Variants in MEDAG observed in about 807,000 individuals in gnomAD.
MEDAG encodes mesenteric estrogen-dependent adipogenesis protein.
MEDAG carries 25 observed loss-of-function variants against 29.9 expected under a neutral mutation model. The observed-to-expected ratio is 0.84, with a 90% CI of 0.61 to 1.17. The LOEUF (loss-of-function observed/expected upper bound fraction) is 1.17. Ranked by LOEUF, MEDAG falls within the 50% of genes most tolerant of loss-of-function variation. The pLI, the probability that MEDAG is intolerant of heterozygous loss-of-function variation, is 0.00. For missense variants in MEDAG, 398 were observed against 372.9 expected (o/e 1.07, Z -0.56); for synonymous variants, 158 against 148.2 (o/e 1.07, Z -0.48).
rs149438218 is a variant in MEDAG, at chr13:30,917,955, G to T, written c.388+443G>T. On this transcript the variant is annotated intron_variant, in intron 2 of 4. Transcript: ENST00000380482. ...CTTGCTGGGACCAAACTGGGCTGAGGTGTGGACTGATGAGCAGGGCAGAAA... is the reference window on the plus strand; with the variant it reads ...CTTGCTGGGACCAAACTGGGCTGAGTTGTGGACTGATGAGCAGGGCAGAAA... 5.3e-3 allele frequency among the ~76,000 whole-genome samples: 813 copies of T among 152,300 alleles called. 11 individuals carry two copies. The highest frequency in any genetic ancestry group is 0.018 in the African/African-American group (762 of 41,544).
chr13:30,921,209 G>A, intron 3 of MEDAG, 83 bp downstream of exon 3: 1 of 1,204,108 alleles, frequency 8.3e-7, no homozygotes, highest in Non-Finnish European at 1.2e-6. Flanking sequence ...AGGCCCTATT[G>A]CCCTGGCTTA....
chr13:30,914,489 T>C (rs1421888030), intron 1 of MEDAG, among the ~76,000 whole-genome samples: 2 of 152,236 alleles, frequency 1.3e-5, no homozygotes, highest in Non-Finnish European at 2.9e-5. Context: ...CAAGTACCCC[T>C]GAATCATCAA....
intron 2 of MEDAG, among the ~76,000 whole-genome samples, chr13:30,920,591 A>T (rs1164765595): frequency 2.6e-5 from 3 of 115,568 alleles, no homozygotes; most frequent in African/African-American, 1.1e-4. Flanking sequence ...TTAAAAAAAT[A>T]AAAAAAAAAA....
chr13:30,906,648 C>A lies in MEDAG; in HGVS notation c.133C>A (p.Pro45Thr). ...LPLAQLLRLQ[P>T]GAFQLSGDQL... ...GCTGGCTCAGCTGCTGCGCCTGCAG[C>A]CCGGTGCCTTCCAGCTGAGCGGCGA... The change falls in exon 1 of 5, where the codon CCC becomes ACC. Residue 45 changes from proline (P) to threonine (T), a missense_variant. Pro to Thr is a conservative substitution (Grantham distance 38). Coordinates refer to ENST00000380482, the MANE Select transcript of MEDAG (RefSeq NM_032849.4). 1.9e-6 allele frequency: 3 copies of A among 1,573,764 alleles called. No homozygotes were observed. Among genetic ancestry groups the A allele is most frequent in the Non-Finnish European group, 2.6e-6 (3 of 1,168,096 alleles).
chr13:30,924,223 A>G, intron 4 of MEDAG, 88 bp from the exon 5 acceptor site: 1 of 1,320,218 alleles, frequency 7.6e-7, no homozygotes, highest in Non-Finnish European at 1.0e-6. Context: ...TTATTAAAAT[A>G]GTTAGGTTGC....
intron 1 of MEDAG, among the ~76,000 whole-genome samples, chr13:30,910,079 C>T (rs1952867114): frequency 6.6e-6 from 1 of 152,048 alleles, no homozygotes; most frequent in Non-Finnish European, 1.5e-5. Flanking sequence ...AGGATTTTCG[C>T]CCATGTTGTA....
chr13:30,907,322 C>T lies in MEDAG; in HGVS notation c.278+529C>T, dbSNP rs116246338. On this transcript the variant is annotated intron_variant, in intron 1 of 4. Coordinates refer to ENST00000380482, the MANE Select transcript of MEDAG (RefSeq NM_032849.4). ...AAGTTTCCCATCTCTGGCCTCACTT[C>T]GTGTTTCAAAAGTAAACAAATAAAC... Among the ~76,000 whole-genome samples the T allele has an allele frequency of 8.6e-3, 1,317 of 152,318 alleles. 31 individuals are homozygous for T. Among genetic ancestry groups the T allele is most frequent in the African/African-American group, 0.03 (1,261 of 41,574 alleles).
chr13:30,913,122 A>G (rs960447301), intron 1 of MEDAG, among the ~76,000 whole-genome samples: 4 of 151,736 alleles, frequency 2.6e-5, no homozygotes, highest in African/African-American at 9.8e-5. Flanking sequence ...TCACATAGCC[A>G]GCAAATCAGG....
intron 1 of MEDAG, among the ~76,000 whole-genome samples, chr13:30,915,129 G>A (rs1952915037): frequency 1.3e-5 from 2 of 152,078 alleles, no homozygotes; most frequent in South Asian, 4.2e-4. Context: ...TTTTGCTACA[G>A]GGGTTTTCTT....
At position 30,921,765 on chromosome 13, in the gene MEDAG, A is replaced by T; in HGVS notation, c.706A>T (p.Lys236Ter). 2 of 1,613,592 alleles carry T rather than the reference A, an allele frequency of 1.2e-6. No individual in the cohort carries two copies. Among genetic ancestry groups the T allele is most frequent in the Non-Finnish European group, 1.7e-6 (2 of 1,179,892 alleles). Reference sequence around the variant, plus strand: ...AAGTCCAGAAAAGAAGGAGACGATTAAGTTATTTCTGGAAAAAATGAGTGA... The same window carrying T: ...AAGTCCAGAAAAGAAGGAGACGATTTAGTTATTTCTGGAAAAAATGAGTGA... ...STSPEKKETI[K>*]LFLEKMSEPL... is the part of the protein sequence containing the mutation. The change falls in exon 4 of 5, where the codon AAG becomes TAG. Residue 236 changes from lysine (K) to a stop codon, truncating the protein, a stop_gained. Coordinates refer to ENST00000380482, the MANE Select transcript of MEDAG (RefSeq NM_032849.4). LOFTEE classifies it high-confidence loss of function.
At chr13:30,922,486 C>A (rs61947583) in intron 4 of MEDAG, 2 of 152,176 alleles carry the variant, frequency 1.3e-5, no homozygotes, top group Non-Finnish European at 2.9e-5. Context: ...GAACTCCTGA[C>A]CTTGTGATCT....
chr13:30,921,415 A>G, intron 3 of MEDAG, 146 bp from the exon 4 acceptor site: 1 of 870,900 alleles, frequency 1.1e-6, no homozygotes. Context: ...GTTAGAAAAA[A>G]TAAAGACAAC....
chr13:30,906,836 C>G, intron 1 of MEDAG, 43 bp downstream of exon 1: 2 of 1,418,856 alleles, frequency 1.4e-6, no homozygotes, highest in Non-Finnish European at 1.8e-6. Context: ...GCCTGGTACC[C>G]GCAGACGCCT....
intron 1 of MEDAG, chr13:30,916,747 A>C (rs1952933253): frequency 6.6e-6 from 1 of 152,366 alleles, no homozygotes; most frequent in Non-Finnish European, 1.5e-5. Flanking sequence ...AACATGCTGG[A>C]TGACAGAGTC....
Position 30,921,735 on chromosome 13 carries a change from A to T in MEDAG, c.676A>T (p.Ser226Cys). Reference sequence around the variant, plus strand: ...AAATGGAAAAGTTCTGAATTTGTCAAGTACAAGTCCAGAAAAGAAGGAGAC... The same window carrying T: ...AAATGGAAAAGTTCTGAATTTGTCATGTACAAGTCCAGAAAAGAAGGAGAC... ...KVNGKVLNLS[S>C]TSPEKKETIK... The change falls in exon 4 of 5, where the codon AGT becomes TGT. Residue 226 changes from serine to cysteine, a missense_variant. Coordinates refer to ENST00000380482, the MANE Select transcript of MEDAG (RefSeq NM_032849.4). The T allele has an allele frequency of 6.2e-7, 1 of 1,614,110 alleles. No homozygotes were observed. Among genetic ancestry groups the T allele is most frequent in the Non-Finnish European group, 8.5e-7 (1 of 1,179,990 alleles).
rs757605584 is a variant in MEDAG at position 30,906,719 on chromosome 13, G to T, written c.204G>T (p.Gly68=). The T allele has an allele frequency of 2.6e-5, 39 of 1,516,152 alleles. No homozygotes were observed. In the South Asian group the frequency reaches 4.8e-4, roughly 19 times the overall value. 93.9% of individuals were successfully genotyped at this position (1,516,152 alleles called of 1,614,324 possible). A position where few individuals can be genotyped will look rare whatever the true frequency, so the allele number is the denominator to read the frequency against. ...ARPGEPAAAR[G]GFNVFGDGLV... is the part of the protein sequence containing the mutation. Reference sequence around the variant, plus strand: ...CCGGGGAGCCGGCGGCGGCGCGGGGGGGCTTCAACGTCTTCGGTGACGGCC... The same window carrying T: ...CCGGGGAGCCGGCGGCGGCGCGGGGTGGCTTCAACGTCTTCGGTGACGGCC... Residue 68 remains glycine (G), a synonymous_variant, in exon 1 of 5, where the codon GGG becomes GGT. Transcript: ENST00000380482.
At chr13:30,914,603 A>AAGG (rs1423260878) in intron 1 of MEDAG, among the ~76,000 whole-genome samples, 1 of 152,196 alleles carries the variant, frequency 6.6e-6, no homozygotes, top group Non-Finnish European at 1.5e-5. Flanking sequence ...ATTACACTCA[A>AAGG]CATGTGGCTA....
intron 1 of MEDAG, 23 bp downstream of exon 1, chr13:30,906,816 C>T (rs1952835857): frequency 9.0e-6 from 13 of 1,441,200 alleles, no homozygotes; most frequent in East Asian, 2.7e-5. Flanking sequence ...GCCGTGCGCC[C>T]TGGCCCGTCG....
intron 1 of MEDAG, among the ~76,000 whole-genome samples, chr13:30,914,584 A>T (rs769574681): frequency 6.6e-6 from 1 of 152,226 alleles, no homozygotes; most frequent in Admixed American, 6.5e-5. Context: ...GCTCATGTGT[A>T]GGTCATACAT....
Sources: allele counts gnomAD v4.1 joint callset (sites outside exome capture counted in the v4.1 genomes callset), GRCh38; gene constraint gnomAD v4.1.1; transcripts MANE v1.5; gene names NCBI Gene and HGNC (gene_info 2026-07-23, HGNC 2026-07-21).